The following PTPN12 variants were observed in gnomAD, a reference collection of about 807,000 sequenced individuals.
PTPN12 encodes the protein protein tyrosine phosphatase non-receptor type 12.
A neutral mutation model predicts 97.6 loss-of-function variants in PTPN12; 29 were observed. That is an observed-to-expected ratio of 0.30 (90% CI 0.22 to 0.41). PTPN12 has a LOEUF of 0.41. Ranked by LOEUF, PTPN12 falls within the 10% of genes least tolerant of loss-of-function variation. PTPN12 has a pLI of 1.00. For missense variants in PTPN12, 819 were observed against 926.0 expected, an observed-to-expected ratio of 0.88 and a Z score of 1.50; for synonymous variants, 327 against 300.4, an observed-to-expected ratio of 1.09 and a Z score of -0.91.
chr7:77,560,334 A>G (rs758194414), intron 1 of PTPN12, among the ~76,000 whole-genome samples: 6 of 152,212 alleles, frequency 3.9e-5, no homozygotes, highest in African/African-American at 1.2e-4. Flanking sequence ...TTAATTCTGT[A>G]CAAACAACTA....
intron 1 of PTPN12, among the ~76,000 whole-genome samples, chr7:77,567,329 G>T (rs1247825655): frequency 6.6e-6 from 1 of 152,092 alleles, no homozygotes; most frequent in Non-Finnish European, 1.5e-5. Flanking sequence ...AGTAAGAAAT[G>T]TAAGTGTTCT....
chr7:77,635,613 C>T (rs1789560280), intron 14 of PTPN12, among the ~76,000 whole-genome samples, 169 bp from the exon 15 acceptor site: 4 of 150,772 alleles, frequency 2.7e-5, no homozygotes, highest in Admixed American at 2.6e-4. Context: ...ATAGAAACTA[C>T]AATTTTTTTT....
chr7:77,613,025 C>G (rs930945967), intron 11 of PTPN12, among the ~76,000 whole-genome samples: 1 of 151,952 alleles, frequency 6.6e-6, no homozygotes, highest in African/African-American at 2.4e-5. Flanking sequence ...CCTGCCTCAG[C>G]CTCCCAAAGT....
At chr7:77,625,813 AC>A (rs1278321350) in intron 12 of PTPN12, among the ~76,000 whole-genome samples, 1 of 150,666 alleles carries the variant, frequency 6.6e-6, no homozygotes, top group Non-Finnish European at 1.5e-5. Context: ...CAATTGATCC[AC>A]CCACCTTGGC....
At chr7:77,628,903 C>T (rs1351478109) in intron 13 of PTPN12, among the ~76,000 whole-genome samples, 3 of 152,064 alleles carry the variant, frequency 2.0e-5, no homozygotes, top group Admixed American at 1.3e-4. Context: ...TGTATTTTCT[C>T]TCACACATAC....
rs1421411134 is a variant in PTPN12, at chr7:77,637,944, A to ATTTTTTTTTTTTTT, written c.2174-680_2174-679insTTTTTTTTTTTTTT. On this transcript the variant is annotated intron_variant, in intron 16 of 17. Coordinates refer to ENST00000248594, the MANE Select transcript of PTPN12 (RefSeq NM_002835.4). ...AACCCTGACCTTGTTGATTTCTTAA[A>ATTTTTTTTTTTTTT]ATTTTTTTTTTTTTTTTTTTTTTTT... Among the ~76,000 whole-genome samples, 2 of 89,500 alleles carry ATTTTTTTTTTTTTT rather than the reference A, an allele frequency of 2.2e-5. 1 individual carries two copies. Among genetic ancestry groups the ATTTTTTTTTTTTTT allele is most frequent in the African/African-American group, 9.7e-5 (2 of 20,578 alleles). 58.7% of individuals were successfully genotyped at this position (89,500 alleles called of 152,430 possible). A position where few individuals can be genotyped will look rare whatever the true frequency, so the allele number is the denominator to read the frequency against.
chr7:77,631,142 A>G (rs141711128), intron 13 of PTPN12, among the ~76,000 whole-genome samples: 6 of 152,280 alleles, frequency 3.9e-5, no homozygotes, highest in African/African-American at 1.2e-4. Flanking sequence ...GCAAGAGGGC[A>G]AGGAGACATA....
At chr7:77,588,696 ATAAT>A (rs1787770729) in intron 5 of PTPN12, among the ~76,000 whole-genome samples, 1 of 152,204 alleles carries the variant, frequency 6.6e-6, no homozygotes, top group Non-Finnish European at 1.5e-5. Context: ...GTACTTAACA[ATAAT>A]TAATTAGGTA....
At chr7:77,581,573 C>A in intron 3 of PTPN12, 70 bp downstream of exon 3, 2 of 902,364 alleles carry the variant, frequency 2.2e-6, no homozygotes, top group Non-Finnish European at 3.3e-6. Flanking sequence ...TTTGTAAAAA[C>A]TTTTTGAATT....
rs769812547 is a variant in PTPN12, at chr7:77,607,224, T to G, written c.696-11T>G. The G allele has an allele frequency of 6.3e-7, 1 of 1,578,188 alleles. No individual in the cohort carries two copies. The highest frequency in any genetic ancestry group is 1.2e-5 in the South Asian group (1 of 85,026). Reference sequence around the variant, plus strand: ...CAAAAATCAATTGTTTTTCAAACTTTATATCCTTAGTGCAGGCTGTGGAAG... The same window carrying G: ...CAAAAATCAATTGTTTTTCAAACTTGATATCCTTAGTGCAGGCTGTGGAAG... On this transcript the variant is annotated splice_polypyrimidine_tract_variant and intron_variant, in intron 8 of 17. Transcript: ENST00000248594.
At chr7:77,540,243 C>CT (rs1400336120) in intron 1 of PTPN12, among the ~76,000 whole-genome samples, 1,653 of 140,484 alleles carry the variant, frequency 0.012, 21 homozygotes, top group African/African-American at 0.022. Flanking sequence ...TTCTTTCTTT[C>CT]TTTTTTTTTT....
At chr7:77,560,857 C>T (rs1807965362) in intron 1 of PTPN12, among the ~76,000 whole-genome samples, 1 of 151,706 alleles carries the variant, frequency 6.6e-6, no homozygotes, top group East Asian at 1.9e-4. Context: ...CTGCTGTGAA[C>T]ATGGTTGTAC....
intron 1 of PTPN12, among the ~76,000 whole-genome samples, chr7:77,540,987 T>G (rs760245343): frequency 2.6e-5 from 4 of 152,228 alleles, no homozygotes; most frequent in Non-Finnish European, 5.9e-5. Flanking sequence ...AACACTCCAC[T>G]TGCCTGACTG....
At position 77,574,642 on chromosome 7, in the gene PTPN12, A is replaced by G. The variant is rs1787279428; in HGVS notation, c.208+3456A>G. On this transcript the variant is annotated intron_variant, in intron 2 of 17. Coordinates refer to ENST00000248594, the MANE Select transcript of PTPN12 (RefSeq NM_002835.4). ...TGCTACACATCCTGCAGTGCATAGG[A>G]TGCAGCCCCCTTCCCCAAACAAAGA... Among the ~76,000 whole-genome samples the G allele has an allele frequency of 1.3e-5, 2 of 152,142 alleles. 1 individual carries two copies. Among genetic ancestry groups the G allele is most frequent in the South Asian group, 4.1e-4 (2 of 4,834 alleles).
At chr7:77,565,139 C>T (rs188918269) in intron 1 of PTPN12, among the ~76,000 whole-genome samples, 1 of 148,212 alleles carries the variant, frequency 6.7e-6, no homozygotes, top group African/African-American at 2.4e-5. Context: ...CATGAGAGAG[C>T]TTCAGCTTTG....
intron 15 of PTPN12, among the ~76,000 whole-genome samples, chr7:77,636,391 G>T (rs117103945): frequency 0.018 from 2,786 of 152,050 alleles, 33 homozygotes; most frequent in Middle Eastern, 0.071. Context: ...AGACCATCCT[G>T]GGCAACATGG....
chr7:77,607,797 A>T (rs543889584), intron 9 of PTPN12, among the ~76,000 whole-genome samples: 17 of 146,756 alleles, frequency 1.2e-4, no homozygotes, highest in Admixed American at 2.8e-4. Flanking sequence ...CTTGTTGCCC[A>T]GGCTGGAGTG....
intron 2 of PTPN12, among the ~76,000 whole-genome samples, chr7:77,576,069 T>C (rs1159707672): frequency 6.6e-6 from 1 of 152,202 alleles, no homozygotes; most frequent in Non-Finnish European, 1.5e-5. Context: ...TTGGCCAGAC[T>C]GGTCTCGAAC....
At chr7:77,560,708 T>C (rs1447390692) in intron 1 of PTPN12, among the ~76,000 whole-genome samples, 1 of 152,178 alleles carries the variant, frequency 6.6e-6, no homozygotes, top group Non-Finnish European at 1.5e-5. Flanking sequence ...GGTTCATCCA[T>C]GTTGTAGTAT....
Sources: gnomAD v4.1 joint callset for allele counts (sites outside exome capture counted in the v4.1 genomes callset) on GRCh38, gnomAD v4.1.1 for gene constraint, MANE v1.5 for transcripts, NCBI Gene and HGNC (gene_info 2026-07-23, HGNC 2026-07-21) for gene names.